CLVS1: variants seen among roughly 807,000 people sequenced by gnomAD.
CLVS1 encodes the protein clavesin-1.
In CLVS1, 10 loss-of-function variants were observed where a neutral mutation model predicts 33.1. That is an observed-to-expected ratio of 0.30 (90% CI 0.19 to 0.51). CLVS1 has a LOEUF of 0.51. Among genes scored for constraint, CLVS1 ranks in the 20% least tolerant of loss-of-function variants. The probability of loss-of-function intolerance (pLI) is 0.97; values close to 1 mark genes in which losing one functional copy is unlikely to be tolerated. For missense variants in CLVS1, 343 were observed against 433.4 expected, an observed-to-expected ratio of 0.79 and a Z score of 1.85; for synonymous variants, 163 against 166.1, an observed-to-expected ratio of 0.98 and a Z score of 0.14.
chr8:61,414,653 T>A (rs1425004347), intron 3 of CLVS1, among the ~76,000 whole-genome samples: 1 of 152,168 alleles, frequency 6.6e-6, no homozygotes, highest in African/African-American at 2.4e-5. Context: ...GTCTTTACTG[T>A]TACCAACCTA....
intron 5 of CLVS1, among the ~76,000 whole-genome samples, chr8:61,460,644 T>G (rs536769288): frequency 6.6e-6 from 1 of 152,294 alleles, no homozygotes; most frequent in East Asian, 1.9e-4. Context: ...TTCCCAGGAA[T>G]TTTTCAGCTA....
chr8:61,418,155 A>T (rs1815516296), intron 3 of CLVS1, among the ~76,000 whole-genome samples: 1 of 152,222 alleles, frequency 6.6e-6, no homozygotes, highest in Non-Finnish European at 1.5e-5. Context: ...TTCAACCATA[A>T]AAATGAGGAA....
intron 2 of CLVS1, among the ~76,000 whole-genome samples, chr8:61,145,352 A>G (rs953747001): frequency 2.0e-5 from 3 of 152,276 alleles, no homozygotes; most frequent in African/African-American, 4.8e-5. Context: ...CCGTGATATC[A>G]CAACAGCCGT....
chr8:61,094,351 G>A (rs76123029), intron 1 of CLVS1, among the ~76,000 whole-genome samples: 3,582 of 152,244 alleles, frequency 0.024, 152 homozygotes, highest in African/African-American at 0.083. Flanking sequence ...TCCTCTGAAT[G>A]CTGCCTCATT....
rs375570937 is a variant in CLVS1 at position 61,342,196 on chromosome 8, C to G, written c.456-34409C>G. Among the ~76,000 whole-genome samples, 15 of 152,278 alleles carry G rather than the reference C, an allele frequency of 9.9e-5. No homozygotes were observed. The East Asian group carries it at 2.1e-3, about 22-fold the overall frequency. ...GACCCTCCTCCTGCTCAGCCTCACC[C>G]TGACTCCATTCAGCCTCCTTTAGAG... On this transcript the variant is annotated intron_variant, in intron 2 of 5. Transcript: ENST00000325897.
chr8:61,458,524 C>T lies in CLVS1; in HGVS notation c.959C>T (p.Ser320Leu), dbSNP rs757573507. 1.1e-5 allele frequency: 17 copies of T among 1,608,312 alleles called. No individual in the cohort carries two copies. Among genetic ancestry groups the T allele is most frequent in the South Asian group, 6.7e-5 (6 of 90,004 alleles). Reference protein sequence around the residue: ...HTSSNLERECSPKLMKRSQSV... With the variant: ...HTSSNLERECLPKLMKRSQSV... Reference sequence around the variant, plus strand: ...TCCTCGAATCTGGAGAGAGAATGCTCACCCAAGCTGATGAAAAGGTAAGGC... The same window carrying T: ...TCCTCGAATCTGGAGAGAGAATGCTTACCCAAGCTGATGAAAAGGTAAGGC... The change falls in exon 5 of 6, where the codon TCA (serine) becomes TTA (leucine). Residue 320 changes from serine (S) to leucine (L), a missense_variant. Physicochemically the swap from Ser to Leu is moderately radical, Grantham distance 145. Around this residue, in one of 4 missense-constraint regions of CLVS1, gnomAD observed 86 missense variants for 95.0 expected, o/e 0.91. Transcript: ENST00000325897.
At chr8:61,489,758 G>T (rs1405153954) in intron 5 of CLVS1, among the ~76,000 whole-genome samples, 1 of 152,112 alleles carries the variant, frequency 6.6e-6, no homozygotes, top group African/African-American at 2.4e-5. Context: ...TTCCAAAATG[G>T]TATCAGACTG....
At chr8:61,059,159 A>G (rs941485011) in intron 1 of CLVS1, among the ~76,000 whole-genome samples, 4 of 152,064 alleles carry the variant, frequency 2.6e-5, no homozygotes, top group Non-Finnish European at 5.9e-5. Flanking sequence ...TTATTCATAC[A>G]TTAGCAACAT....
At chr8:61,494,066 A>G (rs1286911243) in intron 5 of CLVS1, among the ~76,000 whole-genome samples, 1 of 152,164 alleles carries the variant, frequency 6.6e-6, no homozygotes. Flanking sequence ...TTTGAACATA[A>G]AAGTAGACCT....
At chr8:61,042,042 C>T in the CLVS1 span, among the ~76,000 whole-genome samples, 1 of 152,094 alleles carries the variant, frequency 6.6e-6, no homozygotes, top group African/African-American at 2.4e-5. Flanking sequence ...ACTTGGACCT[C>T]CTCTGGTCAA....
In CLVS1 at chr8:61,376,640, T is replaced by C; in HGVS notation, c.491T>C (p.Leu164Pro). 6.2e-7 allele frequency: 1 copy of C among 1,614,146 alleles called. No individual in the cohort carries two copies. Among genetic ancestry groups the C allele is most frequent in the Non-Finnish European group, 8.5e-7 (1 of 1,179,982 alleles). ...SFTDILRAIL[L>P]SLEVLIEDPE... ...ACAGACATCCTTCGTGCCATCCTGC[T>C]GTCATTGGAAGTCCTAATCGAAGAT... The change falls in exon 3 of 6, where the codon CTG becomes CCG. Residue 164 changes from leucine (L) to proline (P), a missense_variant. Leu to Pro is a moderately conservative substitution (Grantham distance 98). Transcript: ENST00000325897.
At chr8:61,372,141 AATACTCTG>A (rs548155756) in intron 2 of CLVS1, among the ~76,000 whole-genome samples, 73 of 152,320 alleles carry the variant, frequency 4.8e-4, no homozygotes, top group South Asian at 1.7e-3. Flanking sequence ...CAAGTGCTAA[AATACTCTG>A]ATAGAATTGT....
chr8:61,440,093 A>G (rs1377865553), intron 3 of CLVS1, among the ~76,000 whole-genome samples: 2 of 152,186 alleles, frequency 1.3e-5, no homozygotes, highest in African/African-American at 4.8e-5. Flanking sequence ...CCCTCAAATA[A>G]AGCATTGTCT....
At chr8:61,125,670 G>T (rs971538386) in intron 1 of CLVS1, among the ~76,000 whole-genome samples, 1 of 152,138 alleles carries the variant, frequency 6.6e-6, no homozygotes, top group Non-Finnish European at 1.5e-5. Context: ...AGTCCAAAGG[G>T]ATTTTCTAAT....
intron 2 of CLVS1, among the ~76,000 whole-genome samples, chr8:61,227,924 G>C (rs141440112): frequency 6.6e-6 from 1 of 152,178 alleles, no homozygotes; most frequent in Non-Finnish European, 1.5e-5. Context: ...AGGAGAAAGA[G>C]AGTGAAGCCT....
chr8:60,985,947 C>G, the CLVS1 span, among the ~76,000 whole-genome samples: 1 of 152,152 alleles, frequency 6.6e-6, no homozygotes, highest in Non-Finnish European at 1.5e-5. Context: ...ACTGTCGACA[C>G]AGGACATTTT....
At chr8:61,243,998 G>A (rs1042551168) in intron 2 of CLVS1, among the ~76,000 whole-genome samples, 1 of 151,914 alleles carries the variant, frequency 6.6e-6, no homozygotes. Context: ...AAATTTATTT[G>A]TATCCCCAAA....
the CLVS1 span, among the ~76,000 whole-genome samples, chr8:60,973,349 A>G: frequency 6.6e-6 from 1 of 152,214 alleles, no homozygotes; most frequent in Non-Finnish European, 1.5e-5. Flanking sequence ...TATTTCAGAG[A>G]TAAACATTTG....
At chr8:61,093,333 T>A (rs947422393) in intron 1 of CLVS1, among the ~76,000 whole-genome samples, 2 of 152,194 alleles carry the variant, frequency 1.3e-5, no homozygotes, top group African/African-American at 4.8e-5. Context: ...TTCATAACAA[T>A]GGCTAGTGCA....
Sources: gnomAD v4.1 joint callset for allele counts (sites outside exome capture counted in the v4.1 genomes callset) on GRCh38, gnomAD v4.1.1 for gene constraint, gnomAD v4.1.1 regional missense constraint, MANE v1.5 for transcripts, NCBI Gene and HGNC (gene_info 2026-07-23, HGNC 2026-07-21) for gene names.